PALM2AKAP2: variants seen among roughly 807,000 people sequenced by gnomAD.
The protein encoded by PALM2AKAP2 is PALM2 and AKAP2 fusion, also known as PALM2-AKAP2 fusion protein.
A neutral mutation model predicts 71.5 loss-of-function variants in PALM2AKAP2; 37 were observed. That is an observed-to-expected ratio of 0.52 (90% CI 0.40 to 0.68). The LOEUF (loss-of-function observed/expected upper bound fraction) is 0.68, where lower values mean the gene tolerates loss of function less well. Among genes scored for constraint, PALM2AKAP2 ranks in the 30% least tolerant of loss-of-function variants. PALM2AKAP2 has a pLI of 0.00. For synonymous variants in PALM2AKAP2, 468 were observed against 478.8 expected (o/e 0.98, Z 0.29); for missense variants, 1,224 against 1,191.8 (o/e 1.03, Z -0.40).
chr9:109,756,694 T>TATG (rs1828969093), intron 1 of PALM2AKAP2, among the ~76,000 whole-genome samples: 1 of 152,204 alleles, frequency 6.6e-6, no homozygotes, highest in African/African-American at 2.4e-5. Flanking sequence ...TCCCCAGAAG[T>TATG]TAACCAGATA....
At chr9:109,841,428 A>C (rs1336048999) in intron 1 of PALM2AKAP2, among the ~76,000 whole-genome samples, 1 of 142,672 alleles carries the variant, frequency 7.0e-6, no homozygotes, top group Non-Finnish European at 1.5e-5. Flanking sequence ...TGATGAGTTA[A>C]TGGGTGCAGC....
chr9:110,053,326 G>A (rs750778292), intron 1 of PALM2AKAP2, among the ~76,000 whole-genome samples: 47 of 152,076 alleles, frequency 3.1e-4, no homozygotes, highest in Non-Finnish European at 5.4e-4. Context: ...AGGATTTGGA[G>A]ACCAGCCTGG....
At chr9:110,000,521 C>T (rs183523587) in intron 6 of PALM2AKAP2, among the ~76,000 whole-genome samples, 1 of 152,142 alleles carries the variant, frequency 6.6e-6, no homozygotes, top group East Asian at 1.9e-4. Context: ...CCTTTGGGTA[C>T]ATACCCAATA....
At chr9:110,003,605 G>A (rs1029484242) in intron 6 of PALM2AKAP2, among the ~76,000 whole-genome samples, 1 of 152,026 alleles carries the variant, frequency 6.6e-6, no homozygotes, top group Non-Finnish European at 1.5e-5. Context: ...CTGTCTCGTT[G>A]ATCTGTCTAA....
chr9:109,897,798 T>G (rs1830237774), intron 3 of PALM2AKAP2, among the ~76,000 whole-genome samples: 1 of 152,206 alleles, frequency 6.6e-6, no homozygotes, highest in South Asian at 2.1e-4. Context: ...TTTAATTGTT[T>G]TGAGACAGGG....
intron 1 of PALM2AKAP2, among the ~76,000 whole-genome samples, chr9:109,738,592 G>A (rs1828673263): frequency 6.6e-6 from 1 of 152,178 alleles, no homozygotes; most frequent in Non-Finnish European, 1.5e-5. Context: ...TTCCTGGAAA[G>A]CATTAGGATC....
chr9:110,102,186 C>A (rs761980039), intron 1 of PALM2AKAP2, among the ~76,000 whole-genome samples: 1 of 152,176 alleles, frequency 6.6e-6, no homozygotes, highest in Non-Finnish European at 1.5e-5. Flanking sequence ...CTCTGTAGGA[C>A]GGCTTTGTGT....
intron 1 of PALM2AKAP2, among the ~76,000 whole-genome samples, chr9:109,677,735 CAG>C (rs1174593393): frequency 6.6e-6 from 1 of 151,536 alleles, no homozygotes; most frequent in Non-Finnish European, 1.5e-5. Context: ...CATTTTAAGA[CAG>C]AGGTTTCTTC....
intron 1 of PALM2AKAP2, among the ~76,000 whole-genome samples, chr9:109,861,885 TAATTCATTTGAATG>T: frequency 6.6e-6 from 1 of 152,212 alleles, no homozygotes. Flanking sequence ...TACAAATTCG[TAATTCATTTGAATG>T]AGGGATATGG....
intron 7 of PALM2AKAP2, among the ~76,000 whole-genome samples, chr9:110,018,315 G>A (rs1833017771): frequency 6.6e-6 from 1 of 152,086 alleles, no homozygotes; most frequent in South Asian, 2.1e-4. Flanking sequence ...AAATAGTTGA[G>A]CAAAATAGAA....
At chr9:109,690,723 T>C (rs905790935) in intron 1 of PALM2AKAP2, among the ~76,000 whole-genome samples, 1 of 152,210 alleles carries the variant, frequency 6.6e-6, no homozygotes, top group African/African-American at 2.4e-5. Context: ...TTAGTATAGC[T>C]TACAAGTATG....
intron 6 of PALM2AKAP2, among the ~76,000 whole-genome samples, chr9:109,938,266 T>C (rs538903858): frequency 1.3e-5 from 2 of 152,332 alleles, no homozygotes; most frequent in South Asian, 4.1e-4. Flanking sequence ...CATGGCTTTC[T>C]AAAAGGCCTA....
intron 1 of PALM2AKAP2, among the ~76,000 whole-genome samples, chr9:109,649,237 T>A (rs1827193092): frequency 6.6e-6 from 1 of 152,162 alleles, no homozygotes; most frequent in South Asian, 2.1e-4. Context: ...ATATTTTCCC[T>A]GTGGCTTTCA....
chr9:110,054,412 T>A (rs1256394331), intron 1 of PALM2AKAP2, among the ~76,000 whole-genome samples: 2 of 150,672 alleles, frequency 1.3e-5, no homozygotes, highest in Non-Finnish European at 3.0e-5. Flanking sequence ...AAAAAAAAAA[T>A]ACCAAAACCT....
At chr9:109,938,023 G>C (rs753954443) in intron 6 of PALM2AKAP2, among the ~76,000 whole-genome samples, 3 of 152,212 alleles carry the variant, frequency 2.0e-5, no homozygotes, top group Admixed American at 6.5e-5. Context: ...TAGAGACAAA[G>C]GGATGAAAAG....
chr9:110,057,440 G>A (rs901647226), intron 1 of PALM2AKAP2, among the ~76,000 whole-genome samples: 31 of 147,542 alleles, frequency 2.1e-4, no homozygotes, highest in Admixed American at 8.3e-4. Flanking sequence ...GTGCAGTGGC[G>A]CCATCTCAGC....
intron 1 of PALM2AKAP2, among the ~76,000 whole-genome samples, chr9:109,646,000 A>C (rs1368170777): frequency 6.6e-6 from 1 of 152,214 alleles, no homozygotes; most frequent in Non-Finnish European, 1.5e-5. Context: ...CAAAGCAAGC[A>C]GAAAAAGAAA....
rs569971951 is a variant in PALM2AKAP2, at chr9:110,115,446, G to T, written c.157-20681G>T. 1.8e-3 allele frequency among the ~76,000 whole-genome samples: 268 copies of T among 152,332 alleles called. 1 individual carries two copies. The highest frequency in any genetic ancestry group is 6.8e-3 in the Middle Eastern group (2 of 294). On this transcript the variant is annotated intron_variant, in intron 1 of 3. Transcript: ENST00000374525. ...GGAGAAAAATTAGCGGCCCTGGCTC[G>T]AGTCTTCATTGCCCCTTGGCTGCCT... is the stretch of plus-strand genomic sequence containing the variant.
chr9:109,924,935 C>T (rs1830917545), intron 4 of PALM2AKAP2, 126 bp from the exon 5 acceptor site: 5 of 1,410,712 alleles, frequency 3.5e-6, no homozygotes, highest in Admixed American at 3.8e-5. Flanking sequence ...CGTTGCGTTT[C>T]CCCAGCACAG....
Sources: gnomAD v4.1 joint callset for allele counts (sites outside exome capture counted in the v4.1 genomes callset) on GRCh38, gnomAD v4.1.1 for gene constraint, MANE v1.5 for transcripts, NCBI Gene and HGNC (gene_info 2026-07-23, HGNC 2026-07-21) for gene names.